LAMA3: variants seen among roughly 807,000 people sequenced by gnomAD.
LAMA3 encodes the protein laminin subunit alpha 3, also known as laminin subunit alpha-3.
LAMA3 carries 281 observed loss-of-function variants against 402.0 expected under a neutral mutation model. That is an observed-to-expected ratio of 0.70 (90% CI 0.63 to 0.77). LAMA3 has a LOEUF of 0.77. Ranked by LOEUF, LAMA3 falls within the 30% of genes least tolerant of loss-of-function variation. The probability of loss-of-function intolerance (pLI) is 0.00; values close to 1 mark genes in which losing one functional copy is unlikely to be tolerated. For synonymous variants in LAMA3, 1,431 were observed against 1,558.4 expected, an observed-to-expected ratio of 0.92 and a Z score of 1.93; for missense variants, 3,840 against 4,215.5, an observed-to-expected ratio of 0.91 and a Z score of 2.47.
chr18:23,875,095 G>GC (rs771679240), intron 38 of LAMA3, among the ~76,000 whole-genome samples: 1 of 152,080 alleles, frequency 6.6e-6, no homozygotes, highest in Non-Finnish European at 1.5e-5. Context: ...GAACTCCTGG[G>GC]CTCAAGTGAT....
Position 23,783,992 on chromosome 18 carries a change from A to T in LAMA3, c.1469-31A>T, listed in dbSNP as rs200871069. On this transcript the variant is annotated intron_variant, in intron 11 of 74. Coordinates refer to ENST00000313654, the MANE Select transcript of LAMA3 (RefSeq NM_198129.4). ...ATTAAGAAAGTGATGGAAGATGGAG[A>T]CCCCTTCTGAAAGTTTCCTGTCTTC... The T allele has an allele frequency of 2.5e-6, 4 of 1,613,574 alleles. No individual in the cohort carries two copies. In the South Asian group the frequency reaches 4.4e-5, roughly 18 times the overall value.
Position 23,758,529 on chromosome 18 carries a change from G to T in LAMA3, c.1063+18G>T, listed in dbSNP as rs749258933. On this transcript the variant is annotated intron_variant, in intron 7 of 74. Coordinates refer to ENST00000313654, the MANE Select transcript of LAMA3 (RefSeq NM_198129.4). The stretch of plus-strand genomic sequence containing the variant: ...GTGTGAAGGTGGGTGTGGGGATGGG[G>T]TGGGGGCCACACGTGGCCTTCTCCC... The T allele has an allele frequency of 5.7e-6, 9 of 1,567,980 alleles. No individual in the cohort carries two copies. The highest frequency in any genetic ancestry group is 6.9e-6 in the Non-Finnish European group (8 of 1,155,908).
intron 66 of LAMA3, chr18:23,932,592 A>G (rs1185966097): frequency 5.0e-5 from 18 of 361,662 alleles, no homozygotes; most frequent in Non-Finnish European, 8.0e-5. Flanking sequence ...TTGCATTATA[A>G]TCAAGATTGT....
At chr18:23,725,400 C>T (rs563682503) in intron 2 of LAMA3, among the ~76,000 whole-genome samples, 11 of 152,288 alleles carry the variant, frequency 7.2e-5, no homozygotes, top group African/African-American at 2.2e-4. Context: ...CATGAGCCAC[C>T]GCGCCCGGCC....
rs1392683557 is a variant in LAMA3 at position 23,829,610 on chromosome 18, C to T, written c.2823+2143C>T. Among the ~76,000 whole-genome samples the T allele has an allele frequency of 2.6e-5, 4 of 152,248 alleles. No homozygotes were observed. In the South Asian group the frequency reaches 8.3e-4, roughly 32 times the overall value. Reference sequence around the variant, plus strand: ...TATTTGATTTTTGGTTCCCAAATTCCATAGCTTCTTTTAAAAATTTATTTA... The same window carrying T: ...TATTTGATTTTTGGTTCCCAAATTCTATAGCTTCTTTTAAAAATTTATTTA... On this transcript the variant is annotated intron_variant, in intron 23 of 74. Coordinates refer to ENST00000313654, the MANE Select transcript of LAMA3 (RefSeq NM_198129.4).
chr18:23,914,070 G>C (rs1213015825), intron 56 of LAMA3, among the ~76,000 whole-genome samples: 2 of 152,192 alleles, frequency 1.3e-5, no homozygotes, highest in Non-Finnish European at 2.9e-5. Context: ...GTGGTACTGG[G>C]AGAAGCAAAA....
At chr18:23,802,639 C>T (rs574965986) in intron 12 of LAMA3, among the ~76,000 whole-genome samples, 3 of 152,226 alleles carry the variant, frequency 2.0e-5, no homozygotes, top group African/African-American at 7.2e-5. Context: ...ATAGAATGAT[C>T]GTCACGTCTC....
intron 35 of LAMA3, among the ~76,000 whole-genome samples, chr18:23,863,461 AAGG>A (rs2064275963): frequency 6.6e-6 from 1 of 152,128 alleles, no homozygotes. Flanking sequence ...ACAAAACAAA[AAGG>A]AGGAGGGGGA....
At chr18:23,730,096 A>G (rs534310133) in intron 2 of LAMA3, among the ~76,000 whole-genome samples, 4 of 152,296 alleles carry the variant, frequency 2.6e-5, no homozygotes, top group South Asian at 2.1e-4. Flanking sequence ...ACAAAAATGT[A>G]TGGACCCTGG....
intron 12 of LAMA3, among the ~76,000 whole-genome samples, chr18:23,808,969 TG>T (rs1368287953): frequency 6.6e-6 from 1 of 152,230 alleles, no homozygotes; most frequent in Admixed American, 6.5e-5. Flanking sequence ...CAAACAAGGT[TG>T]TATCTTTTAC....
intron 23 of LAMA3, among the ~76,000 whole-genome samples, chr18:23,827,845 G>T (rs2063415198): frequency 6.6e-6 from 1 of 152,106 alleles, no homozygotes. Context: ...ACCCTAAAAG[G>T]ATACCACACT....
In LAMA3 at chr18:23,749,527, T is replaced by A; in HGVS notation, c.665T>A (p.Val222Glu). The change falls in exon 4 of 75, where the codon GTA becomes GAA. Residue 222 changes from valine to glutamate, a missense_variant. Physicochemically the swap from Val to Glu is moderately radical, Grantham distance 121. This residue lies in a region of LAMA3 where 2,109 missense variants were observed against 2,376.0 expected (regional missense o/e 0.89). Coordinates refer to ENST00000313654, the MANE Select transcript of LAMA3 (RefSeq NM_198129.4). ...TGTGTTACTGAATATTCCCGTATTG[T>A]ACCTTTGGAAAATGGTGAGGTAAGT... ...VLCVTEYSRI[V>E]PLENGEVVVS... The A allele has an allele frequency of 6.2e-7, 1 of 1,603,070 alleles. No individual in the cohort carries two copies. The highest frequency in any genetic ancestry group is 1.1e-5 in the South Asian group (1 of 90,820).
intron 8 of LAMA3, among the ~76,000 whole-genome samples, chr18:23,763,888 A>G (rs2062024986): frequency 6.6e-6 from 1 of 152,182 alleles, no homozygotes; most frequent in Non-Finnish European, 1.5e-5. Context: ...CTGTTTTCAG[A>G]CAGATTCTGA....
At chr18:23,931,409 C>T in intron 65 of LAMA3, 1 of 562,560 alleles carries the variant, frequency 1.8e-6, no homozygotes, top group Middle Eastern at 4.8e-4. Context: ...GTAATCCCAA[C>T]AACTAAGAAG....
At chr18:23,928,392 T>C in intron 63 of LAMA3, 152 bp downstream of exon 63, 2 of 753,516 alleles carry the variant, frequency 2.7e-6, no homozygotes, top group Non-Finnish European at 4.7e-6. Flanking sequence ...TGCAAGATGC[T>C]GAACCTTTTC....
intron 8 of LAMA3, among the ~76,000 whole-genome samples, chr18:23,767,437 A>C (rs557853911): frequency 6.6e-6 from 1 of 152,324 alleles, no homozygotes; most frequent in South Asian, 2.1e-4. Flanking sequence ...ACAAAGCCAG[A>C]GGCATAACAT....
chr18:23,857,748 G>C, intron 32 of LAMA3, 96 bp from the exon 33 acceptor site: 1 of 1,498,218 alleles, frequency 6.7e-7, no homozygotes, highest in South Asian at 1.1e-5. Context: ...TATTTAACTG[G>C]CTTTGCACAC....
At chr18:23,902,805 C>CAT (rs1339745804) in intron 48 of LAMA3, among the ~76,000 whole-genome samples, 1 of 152,182 alleles carries the variant, frequency 6.6e-6, no homozygotes, top group Non-Finnish European at 1.5e-5. Flanking sequence ...GTTTCATTGG[C>CAT]ATATCATTTA....
chr18:23,810,398 A>G lies in LAMA3; in HGVS notation c.1636A>G (p.Met546Val). 1 of 1,614,128 alleles carries G rather than the reference A, an allele frequency of 6.2e-7. No homozygotes were observed. Among genetic ancestry groups the G allele is most frequent in the Non-Finnish European group, 8.5e-7 (1 of 1,180,024 alleles). Residue 546 changes from methionine (M) to valine (V), a missense_variant, in exon 13 of 75, where the codon ATG (methionine) becomes GTG (valine). Transcript: ENST00000313654. ...CWCSALGSYQ[M>V]PCSSVTGQCE... is the part of the protein sequence containing the mutation. ...GTGTTCAGCCCTTGGATCCTACCAG[A>G]TGCCCTGCAGCTCAGTGACTGGACA...
Sources: gnomAD v4.1 joint callset for allele counts (sites outside exome capture counted in the v4.1 genomes callset) on GRCh38, gnomAD v4.1.1 for gene constraint, gnomAD v4.1.1 regional missense constraint, MANE v1.5 for transcripts, NCBI Gene and HGNC (gene_info 2026-07-23, HGNC 2026-07-21) for gene names.